TOR1AIP1: variants seen among roughly 807,000 people sequenced by gnomAD.
The protein encoded by TOR1AIP1 is torsin 1A interacting protein 1, also known as torsin-1A-interacting protein 1.
In TOR1AIP1, 54 loss-of-function variants were observed where a neutral mutation model predicts 63.3. That is an observed-to-expected ratio of 0.85 (90% CI 0.69 to 1.07). TOR1AIP1 has a LOEUF of 1.07. TOR1AIP1 is among the 50% of genes least tolerant of loss of function. TOR1AIP1 has a pLI of 0.00. For missense variants in TOR1AIP1, 736 were observed against 715.0 expected, an observed-to-expected ratio of 1.03 and a Z score of -0.33; for synonymous variants, 294 against 273.5, an observed-to-expected ratio of 1.07 and a Z score of -0.74.
rs1266837024 is a variant in TOR1AIP1, at chr1:179,882,289, C to T, written c.-214C>T. 1.4e-5 allele frequency: 6 copies of T among 422,182 alleles called. No individual in the cohort carries two copies. Among genetic ancestry groups the T allele is most frequent in the Non-Finnish European group, 2.5e-5 (6 of 244,824 alleles). The allele number at this position is 422,182 out of a possible 1,614,324, so 26.2% of individuals were successfully genotyped here. A position where few individuals can be genotyped will look rare whatever the true frequency, so the allele number is the denominator to read the frequency against. On this transcript the variant is annotated 5_prime_UTR_variant, in exon 1 of 10. Coordinates refer to ENST00000606911, the MANE Select transcript of TOR1AIP1 (RefSeq NM_015602.4). ...AGCAGCTGACCCAGCTCAGGCACTG[C>T]CTCTCTCACAGCCCTCAAGACACAC... is the stretch of plus-strand genomic sequence containing the variant.
Position 179,882,769 on chromosome 1 carries a change from G to GT in TOR1AIP1, c.269dup (p.Arg91ProfsTer19). Reference sequence around the variant, plus strand: ...TGGGAAAACGAACCCGGCTAGAAGAGTTCCGGTCCGATTCTGCGAAAGAGG... The same window carrying GT: ...TGGGAAAACGAACCCGGCTAGAAGAGTTTCCGGTCCGATTCTGCGAAAGAGG... On this transcript the variant is annotated frameshift_variant, in exon 1 of 10. Transcript: ENST00000606911. LOFTEE classifies it high-confidence loss of function. 2 of 1,614,216 alleles carry GT rather than the reference G, an allele frequency of 1.2e-6. No individual in the cohort carries two copies. The highest frequency in any genetic ancestry group is 1.7e-6 in the Non-Finnish European group (2 of 1,180,036).
intron 8 of TOR1AIP1, chr1:179,913,476 G>A: frequency 1.5e-6 from 1 of 670,782 alleles, no homozygotes; most frequent in Non-Finnish European, 2.7e-6. Context: ...TACTGAATCA[G>A]TTTGAGGTAG....
intron 3 of TOR1AIP1, among the ~76,000 whole-genome samples, chr1:179,896,378 G>A (rs1330713234): frequency 6.6e-6 from 1 of 151,902 alleles, no homozygotes; most frequent in African/African-American, 2.4e-5. Flanking sequence ...CAAAGTGCTG[G>A]GATTACAAGG....
At chr1:179,903,680 T>A (rs1054595210) in intron 5 of TOR1AIP1, among the ~76,000 whole-genome samples, 8 of 152,248 alleles carry the variant, frequency 5.3e-5, no homozygotes, top group African/African-American at 1.7e-4. Context: ...AGATAATTTT[T>A]GTATTTTTAG....
At chr1:179,888,371 A>G (rs999732700) in intron 2 of TOR1AIP1, among the ~76,000 whole-genome samples, 1 of 152,188 alleles carries the variant, frequency 6.6e-6, no homozygotes, top group Non-Finnish European at 1.5e-5. Flanking sequence ...CCTGGACTCA[A>G]GCTATCATCC....
intron 8 of TOR1AIP1, among the ~76,000 whole-genome samples, chr1:179,910,955 G>A (rs1427330562): frequency 6.6e-6 from 1 of 152,144 alleles, no homozygotes; most frequent in Non-Finnish European, 1.5e-5. Flanking sequence ...GATCTTTTTA[G>A]TTGCTAAATT....
intron 6 of TOR1AIP1, 75 bp from the exon 7 acceptor site, chr1:179,907,748 C>A: frequency 1.7e-6 from 2 of 1,196,610 alleles, no homozygotes; most frequent in Non-Finnish European, 2.3e-6. Flanking sequence ...AGTAAACAAG[C>A]AAAATGTCTG....
chr1:179,903,825 A>G, intron 5 of TOR1AIP1, 141 bp from the exon 6 acceptor site: 1 of 539,468 alleles, frequency 1.9e-6, no homozygotes, highest in Non-Finnish European at 3.2e-6. Context: ...TTTTTTAAAT[A>G]AATTATGCAT....
chr1:179,907,564 A>C (rs1219073674), intron 6 of TOR1AIP1, among the ~76,000 whole-genome samples: 1 of 130,090 alleles, frequency 7.7e-6, no homozygotes, highest in Non-Finnish European at 1.7e-5. Context: ...GAAGTTTAGA[A>C]ATGAGGGGGA....
In TOR1AIP1 at chr1:179,901,319, G is replaced by A; in HGVS notation, c.670G>A (p.Asp224Asn). The A allele has an allele frequency of 6.2e-7, 1 of 1,610,890 alleles. No individual in the cohort carries two copies. The highest frequency in any genetic ancestry group is 8.5e-7 in the Non-Finnish European group (1 of 1,178,192). ...CTCTTTAGGAGAAACTGAAGAAGAT[G>A]ATCAAGACAGCTCTCACAGCAGTGT... ...FSEEGETEED[D>N]QDSSHSSVTT... Residue 224 changes from aspartate (D) to asparagine (N), a missense_variant, in exon 5 of 10, where the codon GAT becomes AAT. Transcript: ENST00000606911.
In TOR1AIP1 at chr1:179,918,073, A is replaced by C; in HGVS notation, c.1586A>C (p.Glu529Ala). The C allele has an allele frequency of 6.2e-7, 1 of 1,614,248 alleles. No homozygotes were observed. The highest frequency in any genetic ancestry group is 8.5e-7 in the Non-Finnish European group (1 of 1,180,046). The change falls in exon 10 of 10, where the codon GAA becomes GCA. Residue 529 changes from glutamate (E) to alanine (A), a missense_variant. Glu to Ala is a moderately radical substitution (Grantham distance 107). Around this residue, in one of 2 missense-constraint regions of TOR1AIP1, gnomAD observed 272 missense variants for 344.1 expected, o/e 0.79. Coordinates refer to ENST00000606911, the MANE Select transcript of TOR1AIP1 (RefSeq NM_015602.4). The stretch of plus-strand genomic sequence containing the variant: ...ACAAGTCTAGGCCTAAAGGAAGTTG[A>C]AGAAAAAGTAAGAGATTTTCTTAAA... Reference protein sequence around the residue: ...LGTSLGLKEVEEKVRDFLKVK... With the variant: ...LGTSLGLKEVAEKVRDFLKVK...
intron 3 of TOR1AIP1, among the ~76,000 whole-genome samples, chr1:179,896,534 A>G (rs1571727833): frequency 6.6e-6 from 1 of 151,958 alleles, no homozygotes; most frequent in East Asian, 1.9e-4. Flanking sequence ...GAGAAAAACA[A>G]GTTTACAAAT....
rs1571738642 is a variant in TOR1AIP1 at position 179,914,035 on chromosome 1, A to G, written c.945A>G (p.Ser315=). ...TGAAATCAGAGCTTGGAAACCAGTC[A>G]CCATCAACCTCCAGCCGACGTAAGT... The part of the protein sequence containing the change: ...SILKSELGNQ[S]PSTSSRQVTG... The change falls in exon 9 of 10, where the codon TCA becomes TCG. Residue 315 remains serine (S), a synonymous_variant. Transcript: ENST00000606911. 1 of 1,613,966 alleles carries G rather than the reference A, an allele frequency of 6.2e-7. No homozygotes were observed. The highest frequency in any genetic ancestry group is 2.2e-5 in the East Asian group (1 of 44,854).
chr1:179,883,651 C>T (rs1462252794), intron 1 of TOR1AIP1: 1 of 456,280 alleles, frequency 2.2e-6, no homozygotes, highest in Non-Finnish European at 4.4e-6. Context: ...ACTTTGGTGG[C>T]CGTCACTGTA....
chr1:179,918,515 G>A lies in TOR1AIP1; in HGVS notation c.*276G>A, dbSNP rs1649094445. ...AGAATCTGTTTTGATTCTGGGCTGA[G>A]TTATTACAGTTATGGTATGACCAGT... On this transcript the variant is annotated 3_prime_UTR_variant, in exon 10 of 10. Transcript: ENST00000606911. 6.2e-6 allele frequency: 2 copies of A among 324,760 alleles called. No individual in the cohort carries two copies. The highest frequency in any genetic ancestry group is 1.1e-4 in the South Asian group (2 of 18,696). The allele number at this position is 324,760 out of a possible 1,614,324, so 20.1% of individuals were successfully genotyped here. A position where few individuals can be genotyped will look rare whatever the true frequency, so the allele number is the denominator to read the frequency against.
At chr1:179,907,779 T>TGA in intron 6 of TOR1AIP1, 44 bp from the exon 7 acceptor site, 1 of 1,492,582 alleles carries the variant, frequency 6.7e-7, no homozygotes, top group Non-Finnish European at 9.0e-7. Context: ...TTTTTGTTGT[T>TGA]ATTTTCAAGT....
chr1:179,910,215 T>C (rs906829695), intron 8 of TOR1AIP1, among the ~76,000 whole-genome samples: 2 of 152,246 alleles, frequency 1.3e-5, no homozygotes, highest in East Asian at 1.9e-4. Flanking sequence ...TTAAAGTCCA[T>C]GCATATTCTC....
chr1:179,911,320 T>C (rs1372594226), intron 8 of TOR1AIP1, among the ~76,000 whole-genome samples: 1 of 152,234 alleles, frequency 6.6e-6, no homozygotes, highest in East Asian at 1.9e-4. Flanking sequence ...TCTCATTCTT[T>C]AACTATATAT....
At chr1:179,901,427 A>G in intron 5 of TOR1AIP1, 39 bp downstream of exon 5, 1 of 1,297,730 alleles carries the variant, frequency 7.7e-7, no homozygotes. Context: ...TTCTCATAGA[A>G]CTATCTTTGG....
Sources: allele counts gnomAD v4.1 joint callset (sites outside exome capture counted in the v4.1 genomes callset), GRCh38; gene constraint gnomAD v4.1.1; regional missense constraint gnomAD v4.1.1; transcripts MANE v1.5; gene names NCBI Gene and HGNC (gene_info 2026-07-23, HGNC 2026-07-21).